Variants in GALNTL6 observed in about 807,000 individuals in gnomAD.
The protein encoded by GALNTL6 is polypeptide N-acetylgalactosaminyltransferase-like 6.
Under a neutral mutation model 73.7 loss-of-function variants are expected in GALNTL6, and 46 were observed. The ratio of observed to expected loss-of-function variants is 0.62; its 90% CI spans 0.49 to 0.80. GALNTL6 has a LOEUF of 0.80. Among genes scored for constraint, GALNTL6 ranks in the 30% least tolerant of loss-of-function variants. The pLI is 0.00. For synonymous variants in GALNTL6, 259 were observed against 263.7 expected, an observed-to-expected ratio of 0.98 and a Z score of 0.17; for missense variants, 604 against 755.0, an observed-to-expected ratio of 0.80 and a Z score of 2.34.
At chr4:172,356,016 C>G (rs1223714161) in intron 5 of GALNTL6, among the ~76,000 whole-genome samples, 1 of 152,142 alleles carries the variant, frequency 6.6e-6, no homozygotes, top group African/African-American at 2.4e-5. Context: ...GTTGGATAAG[C>G]TGCTCTGACT....
chr4:171,901,985 C>T lies in GALNTL6; in HGVS notation c.138+87267C>T, dbSNP rs981319070. ...GAGCAAAACTAAAACATGCATACAG[C>T]TCATCATTCTGATAGTCTTTAAGAT... On this transcript the variant is annotated intron_variant, in intron 2 of 12. Transcript: ENST00000506823. 3.9e-5 allele frequency among the ~76,000 whole-genome samples: 6 copies of T among 152,104 alleles called. No individual in the cohort carries two copies. The East Asian group carries it at 7.7e-4, about 20-fold the overall frequency.
At chr4:171,975,324 T>C (rs1020175300) in intron 2 of GALNTL6, among the ~76,000 whole-genome samples, 7 of 152,276 alleles carry the variant, frequency 4.6e-5, no homozygotes, top group Non-Finnish European at 8.8e-5. Flanking sequence ...ACCCTACTTA[T>C]CATAATGGTT....
At chr4:172,348,786 C>G in intron 5 of GALNTL6, 97 bp downstream of exon 5, 11 of 731,248 alleles carry the variant, frequency 1.5e-5, no homozygotes, top group East Asian at 2.8e-5. Context: ...CTTTCTGATT[C>G]CATCTGAAAG....
intron 7 of GALNTL6, among the ~76,000 whole-genome samples, chr4:172,864,506 G>T (rs1262328583): frequency 6.6e-6 from 1 of 152,194 alleles, no homozygotes; most frequent in Non-Finnish European, 1.5e-5. Flanking sequence ...CTATTTAGAA[G>T]GTGGCATAAG....
At chr4:172,027,786 C>T (rs971043825) in intron 2 of GALNTL6, among the ~76,000 whole-genome samples, 4 of 152,044 alleles carry the variant, frequency 2.6e-5, no homozygotes, top group Non-Finnish European at 5.9e-5. Flanking sequence ...AAGTGCTACT[C>T]CAGTGAGTGC....
chr4:172,021,438 T>A (rs776808632), intron 2 of GALNTL6, among the ~76,000 whole-genome samples: 1 of 151,948 alleles, frequency 6.6e-6, no homozygotes, highest in Non-Finnish European at 1.5e-5. Context: ...CGAAAGAAAT[T>A]GAAGAGGACA....
intron 3 of GALNTL6, among the ~76,000 whole-genome samples, chr4:172,270,165 T>G (rs751821794): frequency 3.9e-4 from 59 of 151,222 alleles, no homozygotes; most frequent in South Asian, 8.3e-4. Flanking sequence ...TTTACTTCTC[T>G]GTCCACTGTG....
intron 2 of GALNTL6, among the ~76,000 whole-genome samples, chr4:171,887,398 T>G (rs1332866284): frequency 6.6e-6 from 1 of 152,140 alleles, no homozygotes; most frequent in African/African-American, 2.4e-5. Flanking sequence ...AGGGACATGA[T>G]TTTACAAGTA....
At chr4:172,315,360 T>A (rs1461248847) in intron 4 of GALNTL6, among the ~76,000 whole-genome samples, 1 of 151,978 alleles carries the variant, frequency 6.6e-6, no homozygotes, top group Non-Finnish European at 1.5e-5. Flanking sequence ...GCCTCCCGGG[T>A]TCAAGCAATT....
rs1030162966 is a variant in GALNTL6 at position 171,813,462 on chromosome 4, C to G, written c.-698C>G. The G allele has an allele frequency of 6.6e-6, 1 of 152,332 alleles. No homozygotes were observed. Among genetic ancestry groups the G allele is most frequent in the Admixed American group, 6.5e-5 (1 of 15,292 alleles). 9.4% of individuals were successfully genotyped at this position (152,332 alleles called of 1,614,324 possible). A position where few individuals can be genotyped will look rare whatever the true frequency, so the allele number is the denominator to read the frequency against. On this transcript the variant is annotated 5_prime_UTR_variant, in exon 1 of 13. Coordinates refer to ENST00000506823, the MANE Select transcript of GALNTL6 (RefSeq NM_001034845.3). This position sits in a 1 kb window ranked among gnomAD's most constrained non-coding sequence, Gnocchi z 5.2. Reference sequence around the variant, plus strand: ...CGCCGGGGAGTGGGGCGCGGGCGACCGTGTGCAGCCGCGGCGCATCTCCGC... The same window carrying G: ...CGCCGGGGAGTGGGGCGCGGGCGACGGTGTGCAGCCGCGGCGCATCTCCGC...
chr4:172,018,777 C>T (rs779343682), intron 2 of GALNTL6, among the ~76,000 whole-genome samples: 2 of 152,108 alleles, frequency 1.3e-5, no homozygotes, highest in African/African-American at 2.4e-5. Flanking sequence ...AATATTACTA[C>T]AAAATTTAGT....
chr4:172,158,775 A>AT (rs1734363570), intron 2 of GALNTL6, among the ~76,000 whole-genome samples: 1 of 152,146 alleles, frequency 6.6e-6, no homozygotes, highest in Non-Finnish European at 1.5e-5. Context: ...TTTATGAGCA[A>AT]TTTTTTTCAA....
chr4:172,131,101 A>G (rs1037918774), intron 2 of GALNTL6, among the ~76,000 whole-genome samples: 3 of 152,028 alleles, frequency 2.0e-5, no homozygotes, highest in African/African-American at 7.2e-5. Flanking sequence ...ACATATTTTT[A>G]CAACCTTTGG....
chr4:171,829,765 A>T (rs943629188), intron 2 of GALNTL6, among the ~76,000 whole-genome samples: 2 of 152,104 alleles, frequency 1.3e-5, no homozygotes, highest in East Asian at 3.9e-4. Context: ...ATTGATCAGT[A>T]AGTTTCTTAA....
intron 5 of GALNTL6, among the ~76,000 whole-genome samples, chr4:172,558,777 A>T (rs1736235037): frequency 6.6e-6 from 1 of 152,142 alleles, no homozygotes. Flanking sequence ...TTTCAACATT[A>T]AAAAAATAGA....
Position 171,968,850 on chromosome 4 carries a change from G to T in GALNTL6, c.138+154132G>T, listed in dbSNP as rs1002450064. 2.7e-4 allele frequency among the ~76,000 whole-genome samples: 40 copies of T among 149,944 alleles called. 1 individual carries two copies. Among genetic ancestry groups the T allele is most frequent in the Non-Finnish European group, 4.1e-4 (28 of 67,756 alleles). ...TTTTTTTTGTGCGGGGTGGGGGGGG[G>T]GTTGGGGACAGAGTCTCGCTCTGTC... On this transcript the variant is annotated intron_variant, in intron 2 of 12. Transcript: ENST00000506823.
intron 2 of GALNTL6, among the ~76,000 whole-genome samples, chr4:171,844,076 G>A (rs1011637726): frequency 6.6e-6 from 1 of 152,130 alleles, no homozygotes; most frequent in African/African-American, 2.4e-5. Flanking sequence ...TGTGAAATGA[G>A]ACAATGCAAT....
intron 5 of GALNTL6, among the ~76,000 whole-genome samples, chr4:172,732,492 C>A (rs1736210807): frequency 6.6e-6 from 1 of 152,010 alleles, no homozygotes; most frequent in South Asian, 2.1e-4. Flanking sequence ...CCACTCTATG[C>A]CTTTTAGTTG....
intron 5 of GALNTL6, among the ~76,000 whole-genome samples, chr4:172,398,867 T>A (rs1743939869): frequency 6.6e-6 from 1 of 152,114 alleles, no homozygotes; most frequent in Admixed American, 6.6e-5. Context: ...TTTGGGTTTT[T>A]TTTTCTTATG....
Sources: gnomAD v4.1 joint callset for allele counts (sites outside exome capture counted in the v4.1 genomes callset) on GRCh38, gnomAD v4.1.1 for gene constraint, Gnocchi (gnomAD v3.1) non-coding constraint, MANE v1.5 for transcripts, NCBI Gene and HGNC (gene_info 2026-07-23, HGNC 2026-07-21) for gene names.